The following PALD1 variants were observed in gnomAD, a reference collection of about 807,000 sequenced individuals.
PALD1 encodes the protein phosphatase domain containing paladin 1.
PALD1 carries 57 observed loss-of-function variants against 96.0 expected under a neutral mutation model. The ratio of observed to expected loss-of-function variants is 0.59; its 90% CI spans 0.48 to 0.74. The LOEUF (loss-of-function observed/expected upper bound fraction) is 0.74, where lower values mean the gene tolerates loss of function less well. Ranked by LOEUF, PALD1 falls within the 30% of genes least tolerant of loss-of-function variation. The probability of loss-of-function intolerance (pLI) is 0.00; values close to 1 mark genes in which losing one functional copy is unlikely to be tolerated. For missense variants in PALD1, 1,063 were observed against 1,143.7 expected, an observed-to-expected ratio of 0.93 and a Z score of 1.02; for synonymous variants, 464 against 473.6, an observed-to-expected ratio of 0.98 and a Z score of 0.26.
the PALD1 span, among the ~76,000 whole-genome samples, chr10:70,467,747 T>A: frequency 5.9e-5 from 9 of 152,000 alleles, no homozygotes; most frequent in African/African-American, 2.2e-4. Context: ...AGGAGTGAGA[T>A]CATGATTCTG....
rs938426186 is a variant in PALD1, at chr10:70,525,900, C to T, written c.-29-23C>T. 3 of 1,599,582 alleles carry T rather than the reference C, an allele frequency of 1.9e-6. No individual in the cohort carries two copies. The African/African-American group carries it at 4.0e-5, about 21-fold the overall frequency. ...GTGGATTTTCCCATCCCCTCCTTCA[C>T]TGCACACCCTCTTATCCTACAGGTC... On this transcript the variant is annotated intron_variant, in intron 1 of 19. Transcript: ENST00000263563.
rs767211648 is a variant in PALD1 at position 70,538,436 on chromosome 10, G to A, written c.1452+28G>A. 3.7e-6 allele frequency: 6 copies of A among 1,604,300 alleles called. No individual in the cohort carries two copies. In the Admixed American group the frequency reaches 5.1e-5, roughly 14 times the overall value. ...GAGTATGACTGGCAGTCGGAGAAGT[G>A]GGCATGGCTGTGTACTGGCCCTGGC... On this transcript the variant is annotated intron_variant, in intron 12 of 19. Transcript: ENST00000263563.
intron 1 of PALD1, among the ~76,000 whole-genome samples, chr10:70,511,998 G>T (rs1846525158): frequency 6.6e-6 from 1 of 152,082 alleles, no homozygotes; most frequent in Admixed American, 6.5e-5. Flanking sequence ...TTGCACTCCA[G>T]CCTGGAGACA....
At chr10:70,485,329 T>G (rs984003963) in intron 1 of PALD1, 1 of 153,768 alleles carries the variant, frequency 6.5e-6, no homozygotes, top group African/African-American at 2.4e-5. Context: ...TTCTTTCTCT[T>G]CTGTTCACTG....
chr10:70,502,354 C>T (rs1264649937), intron 1 of PALD1, among the ~76,000 whole-genome samples: 1 of 152,150 alleles, frequency 6.6e-6, no homozygotes, highest in Non-Finnish European at 1.5e-5. Flanking sequence ...TAATGACATC[C>T]ATGATACATT....
chr10:70,536,152 A>G (rs1847111609), intron 10 of PALD1, among the ~76,000 whole-genome samples: 1 of 152,104 alleles, frequency 6.6e-6, no homozygotes, highest in Admixed American at 6.5e-5. Flanking sequence ...CGTAGTACCA[A>G]CTACCAGGGA....
intron 4 of PALD1, 43 bp downstream of exon 4, chr10:70,530,111 C>T: frequency 6.8e-7 from 1 of 1,462,446 alleles, no homozygotes; most frequent in Non-Finnish European, 9.1e-7. Context: ...TCCCCAAAGC[C>T]AGGGAGAGGG....
At chr10:70,476,320 G>A (rs1232375744), upstream of PALD1, among the ~76,000 whole-genome samples, 3 of 152,180 alleles carry the variant, frequency 2.0e-5, no homozygotes, top group African/African-American at 7.2e-5. Context: ...CCTTCTCTTG[G>A]GTGTACCCAG....
chr10:70,472,879 T>C, the PALD1 span, among the ~76,000 whole-genome samples: 1 of 152,206 alleles, frequency 6.6e-6, no homozygotes, highest in Admixed American at 6.5e-5. Context: ...CCACAACTCC[T>C]ATTATGAACT....
At chr10:70,538,512 A>C in intron 12 of PALD1, 104 bp downstream of exon 12, 1 of 1,213,860 alleles carries the variant, frequency 8.2e-7, no homozygotes, top group Non-Finnish European at 1.2e-6. Flanking sequence ...CCCTTGCAGG[A>C]GGTGAAGAAG....
intron 1 of PALD1, among the ~76,000 whole-genome samples, chr10:70,504,908 G>A (rs987048670): frequency 3.3e-5 from 5 of 152,260 alleles, no homozygotes; most frequent in Non-Finnish European, 7.3e-5. Flanking sequence ...TAGTTGAAAT[G>A]TGGAATCTGA....
At chr10:70,523,200 C>G (rs969623495) in intron 1 of PALD1, among the ~76,000 whole-genome samples, 3 of 152,214 alleles carry the variant, frequency 2.0e-5, no homozygotes, top group African/African-American at 7.2e-5. Flanking sequence ...GCCTCTGGAG[C>G]CCATGAGAGG....
chr10:70,476,112 C>A (rs373725483), upstream of PALD1, among the ~76,000 whole-genome samples: 3 of 152,254 alleles, frequency 2.0e-5, no homozygotes, highest in East Asian at 1.9e-4. Context: ...GAGTGGGGGT[C>A]AGTCCCGACC....
chr10:70,500,931 A>C (rs1386803969), intron 1 of PALD1, among the ~76,000 whole-genome samples: 2 of 152,108 alleles, frequency 1.3e-5, no homozygotes, highest in Non-Finnish European at 2.9e-5. Flanking sequence ...CTTCTGCAGT[A>C]AATCCTGTTT....
intron 1 of PALD1, among the ~76,000 whole-genome samples, chr10:70,483,140 A>G (rs60883334): frequency 0.1 from 15,473 of 151,932 alleles, 849 homozygotes; most frequent in South Asian, 0.25. Context: ...AGCCTGAGGG[A>G]GGGAATGGCT....
intron 17 of PALD1, among the ~76,000 whole-genome samples, chr10:70,542,230 C>T (rs949561208): frequency 6.6e-6 from 1 of 152,220 alleles, no homozygotes; most frequent in Admixed American, 6.5e-5. Flanking sequence ...TTCTCCCTTC[C>T]TTCTTCTGGC....
intron 1 of PALD1, among the ~76,000 whole-genome samples, chr10:70,503,572 T>C (rs1229880402): frequency 6.6e-6 from 1 of 152,082 alleles, no homozygotes; most frequent in African/African-American, 2.4e-5. Context: ...AGGCGGAGGC[T>C]GTGGTGAGCC....
intron 1 of PALD1, among the ~76,000 whole-genome samples, chr10:70,524,876 C>T (rs1846820460): frequency 6.6e-6 from 1 of 152,248 alleles, no homozygotes; most frequent in Non-Finnish European, 1.5e-5. Flanking sequence ...ACTTTGTGTA[C>T]ACATCCTCAA....
chr10:70,538,589 T>C (rs1847163627), intron 12 of PALD1, among the ~76,000 whole-genome samples, 181 bp downstream of exon 12: 1 of 151,704 alleles, frequency 6.6e-6, no homozygotes, highest in Non-Finnish European at 1.5e-5. Context: ...CAGCAAGCAT[T>C]TGCAGCTTTG....
Sources: gnomAD v4.1 joint callset for allele counts (sites outside exome capture counted in the v4.1 genomes callset) on GRCh38, gnomAD v4.1.1 for gene constraint, MANE v1.5 for transcripts, NCBI Gene and HGNC (gene_info 2026-07-23, HGNC 2026-07-21) for gene names.